Variants in SEC31B observed in about 807,000 individuals in gnomAD.
SEC31B encodes the protein protein transport protein Sec31B.
In SEC31B, 113 loss-of-function variants were observed where a neutral mutation model predicts 135.0. The ratio of observed to expected loss-of-function variants is 0.84; its 90% CI spans 0.72 to 0.98. The LOEUF is 0.98. Among genes scored for constraint, SEC31B ranks in the 50% least tolerant of loss-of-function variants. The pLI is 0.00. For missense variants in SEC31B, 1,296 were observed against 1,421.1 expected (o/e 0.91, Z 1.42); for synonymous variants, 508 against 549.4 (o/e 0.92, Z 1.05).
At chr10:100,490,931 A>G in intron 19 of SEC31B, 48 bp from the exon 20 acceptor site, 3 of 1,283,370 alleles carry the variant, frequency 2.3e-6, no homozygotes, top group East Asian at 2.8e-5. Context: ...AGAGAAAGGT[A>G]AATAATAGAA....
chr10:100,495,848 A>G (rs1468086580), intron 18 of SEC31B, among the ~76,000 whole-genome samples: 1 of 151,800 alleles, frequency 6.6e-6, no homozygotes, highest in African/African-American at 2.4e-5. Context: ...CCCGCTCTAT[A>G]CTCTAGCCCC....
chr10:100,506,282 C>CTCTCCCA (rs1851630091), intron 8 of SEC31B, 39 bp downstream of exon 8: 1 of 1,614,030 alleles, frequency 6.2e-7, no homozygotes, highest in Non-Finnish European at 8.5e-7. Flanking sequence ...TCTACCCTCT[C>CTCTCCCA]TCTCCCATCC....
At chr10:100,488,448 G>A (rs552378945) in intron 24 of SEC31B, among the ~76,000 whole-genome samples, 2 of 114,508 alleles carry the variant, frequency 1.7e-5, no homozygotes, top group South Asian at 5.6e-4. Flanking sequence ...GACAAAGCGA[G>A]ACTCCATCTC....
chr10:100,509,592 G>A, intron 3 of SEC31B, 81 bp from the exon 4 acceptor site: 1 of 1,191,428 alleles, frequency 8.4e-7, no homozygotes, highest in East Asian at 2.6e-5. Context: ...GTCAGCTTCT[G>A]CCATTATGCA....
intron 10 of SEC31B, 54 bp from the exon 11 acceptor site, chr10:100,502,538 C>T: frequency 8.3e-7 from 1 of 1,204,956 alleles, no homozygotes. Flanking sequence ...CAAAAAGTAA[C>T]ACTAAGTCAG....
In SEC31B at chr10:100,511,699, T is replaced by G. The variant is rs142805312; in HGVS notation, c.204-2188A>C. ...GGATTATTTCATTTTCTTAGTAAGA[T>G]TCTTTTCAAAAAAAATCCTAGCTTC... is the stretch of plus-strand genomic sequence containing the variant. On this transcript the variant is annotated intron_variant, in intron 3 of 25. Transcript: ENST00000370345. 2.8e-4 allele frequency among the ~76,000 whole-genome samples: 42 copies of G among 152,304 alleles called. 1 individual carries two copies. The East Asian group carries it at 6.9e-3, about 25-fold the overall frequency.
Position 100,506,157 on chromosome 10 carries a change from C to T in SEC31B, c.927G>A (p.Val309=), listed in dbSNP as rs923812949. ...CTGAAGGGTCCCGAGGGCACCACTGCACATCAAAGCACCAGCTGCTCTGTG... is the reference window on the plus strand; with the variant it reads ...CTGAAGGGTCCCGAGGGCACCACTGTACATCAAAGCACCAGCTGCTCTGTG... ...LPTQSSWCFD[V]QWCPRDPSVF... The change falls in exon 9 of 26, where the codon GTG becomes GTA. Residue 309 remains valine, a synonymous_variant. Coordinates refer to ENST00000370345, the MANE Select transcript of SEC31B (RefSeq NM_015490.4). 6.2e-7 allele frequency: 1 copy of T among 1,614,114 alleles called. No homozygotes were observed. The highest frequency in any genetic ancestry group is 1.3e-5 in the African/African-American group (1 of 74,932).
rs758047440 is a variant in SEC31B, at chr10:100,490,137, C to T, written c.2836G>A (p.Gly946Ser). 5 of 1,595,524 alleles carry T rather than the reference C, an allele frequency of 3.1e-6. No homozygotes were observed. The highest frequency in any genetic ancestry group is 2.2e-5 in the East Asian group (1 of 44,788). ...GTGTGGGAGACCATGCGGCCGGGACCTAGTGGTCTCAGAGGAAGCAGAGGG... is the reference window on the plus strand; with the variant it reads ...GTGTGGGAGACCATGCGGCCGGGACTTAGTGGTCTCAGAGGAAGCAGAGGG... ...LFPLLPLRPLGPGRMVSHTPA... is the reference protein window; with the variant it reads ...LFPLLPLRPLSPGRMVSHTPA... The change falls in exon 21 of 26, where the codon GGT becomes AGT. Residue 946 changes from glycine to serine, a missense_variant. Coordinates refer to ENST00000370345, the MANE Select transcript of SEC31B (RefSeq NM_015490.4).
chr10:100,513,389 GA>G (rs1851769117), intron 3 of SEC31B, among the ~76,000 whole-genome samples: 1 of 152,304 alleles, frequency 6.6e-6, no homozygotes, highest in East Asian at 1.9e-4. Context: ...CTAACAGCTT[GA>G]AAAACCCTTA....
At position 100,505,932 on chromosome 10, in the gene SEC31B, G is replaced by C. The variant is rs563091183; in HGVS notation, c.1044+108C>G. On this transcript the variant is annotated intron_variant, in intron 9 of 25. Transcript: ENST00000370345. ...AAGGTGCAGCCCTCCCAAACCCCGGGCCCTGGTCTCCCAATCTCCAATATC... is the reference window on the plus strand; with the variant it reads ...AAGGTGCAGCCCTCCCAAACCCCGGCCCCTGGTCTCCCAATCTCCAATATC... The C allele has an allele frequency of 2.6e-6, 4 of 1,559,188 alleles. No homozygotes were observed. In the African/African-American group the frequency reaches 5.4e-5, roughly 21 times the overall value.
intron 14 of SEC31B, 54 bp downstream of exon 14, chr10:100,498,651 C>T (rs932670413): frequency 4.9e-5 from 67 of 1,353,788 alleles, no homozygotes; most frequent in Non-Finnish European, 6.3e-5. Flanking sequence ...CCAAAACCTC[C>T]GTGCCCACCT....
At chr10:100,499,398 CA>C (rs1251737385) in intron 12 of SEC31B, 125 bp downstream of exon 12, 9 of 1,101,872 alleles carry the variant, frequency 8.2e-6, no homozygotes, top group Admixed American at 2.1e-5. Flanking sequence ...AAACAAACTC[CA>C]GGATGTAAAA....
chr10:100,509,882 A>C (rs1351525601), intron 3 of SEC31B, among the ~76,000 whole-genome samples: 1 of 152,208 alleles, frequency 6.6e-6, no homozygotes, highest in Non-Finnish European at 1.5e-5. Context: ...TAATAATAGC[A>C]ACCACTTACA....
Position 100,489,090 on chromosome 10 carries a change from G to A in SEC31B, c.3172-116C>T, listed in dbSNP as rs1016832460. The A allele has an allele frequency of 4.7e-6, 7 of 1,477,754 alleles. No individual in the cohort carries two copies. In the East Asian group the frequency reaches 9.3e-5, roughly 20 times the overall value. The allele number at this position is 1,477,754 out of a possible 1,614,324, so 91.5% of individuals were successfully genotyped here. The stretch of plus-strand genomic sequence containing the variant: ...ACACTGTTCCCATTACAGCAGAGTT[G>A]GGGAGATGAGCAGCCTCCCTTTCTC... On this transcript the variant is annotated intron_variant, in intron 23 of 25. Transcript: ENST00000370345.
intron 23 of SEC31B, 53 bp downstream of exon 23, chr10:100,489,199 C>A: frequency 6.5e-7 from 1 of 1,548,586 alleles, no homozygotes. Context: ...TGACCTGCAC[C>A]CAAGGAGGGC....
intron 11 of SEC31B, among the ~76,000 whole-genome samples, chr10:100,501,905 CT>C (rs1182527353): frequency 6.6e-6 from 1 of 152,204 alleles, no homozygotes; most frequent in Non-Finnish European, 1.5e-5. Flanking sequence ...TCTTTCCTCC[CT>C]TTTTTCTTCC....
At chr10:100,510,493 G>T (rs986609691) in intron 3 of SEC31B, among the ~76,000 whole-genome samples, 1 of 152,220 alleles carries the variant, frequency 6.6e-6, no homozygotes, top group Non-Finnish European at 1.5e-5. Context: ...CCTCTGCAAA[G>T]CCCCTACGGA....
At chr10:100,501,223 C>A (rs779442524) in intron 11 of SEC31B, among the ~76,000 whole-genome samples, 1 of 152,028 alleles carries the variant, frequency 6.6e-6, no homozygotes, top group South Asian at 2.1e-4. Flanking sequence ...CCAGCCTGAG[C>A]GACAAGAGTG....
At chr10:100,491,935 T>C (rs1316899786) in intron 19 of SEC31B, among the ~76,000 whole-genome samples, 1 of 152,216 alleles carries the variant, frequency 6.6e-6, no homozygotes, top group East Asian at 1.9e-4. Flanking sequence ...CAAGGCACCA[T>C]CTTGCAACTA....
Sources: gnomAD v4.1 joint callset for allele counts (sites outside exome capture counted in the v4.1 genomes callset) on GRCh38, gnomAD v4.1.1 for gene constraint, MANE v1.5 for transcripts, NCBI Gene and HGNC (gene_info 2026-07-23, HGNC 2026-07-21) for gene names.